Variants in KIR2DL4 observed in about 807,000 individuals in gnomAD.
KIR2DL4 encodes the protein killer cell immunoglobulin-like receptor 2DL4.
KIR2DL4 carries 41 observed loss-of-function variants against 31.0 expected under a neutral mutation model. That is an observed-to-expected ratio of 1.32 (90% CI 1.03 to 1.72). The LOEUF is 1.72. Ranked by LOEUF, KIR2DL4 falls within the 40% of genes most tolerant of loss-of-function variation. The probability of loss-of-function intolerance (pLI) is 0.00; values close to 1 mark genes in which losing one functional copy is unlikely to be tolerated. For synonymous variants in KIR2DL4, 164 were observed against 133.6 expected (o/e 1.23, Z -1.57); for missense variants, 438 against 353.7 (o/e 1.24, Z -1.91).
Position 54,813,652 on chromosome 19 carries a change from G to T in KIR2DL4, c.811-38G>T, listed in dbSNP as rs1173490351. 1.2e-5 allele frequency: 19 copies of T among 1,602,530 alleles called. No individual in the cohort carries two copies. In the East Asian group the frequency reaches 4.0e-4, roughly 34 times the overall value. On this transcript the variant is annotated intron_variant, in intron 6 of 7. Transcript: ENST00000359085. ...GTTCATGAAATGAGGACCCAGAAGT[G>T]CCCTCCCAGCTGTTTTGATTGCTTC...
chr19:54,814,220 A>G, exon 8 of KIR2DL4: 2 of 1,263,458 alleles, frequency 1.6e-6, no homozygotes, highest in Admixed American at 4.0e-5. Context: ...CAGAGAAAAC[A>G]CACTCCTTTG....
intron 5 of KIR2DL4, among the ~76,000 whole-genome samples, chr19:54,809,810 T>C (rs1401420170): frequency 2.0e-5 from 3 of 151,412 alleles, no homozygotes; most frequent in Non-Finnish European, 2.9e-5. Context: ...CCATCATAAT[T>C]TCCCTAAAAT....
chr19:54,813,520 A>G (rs565988654), intron 6 of KIR2DL4, among the ~76,000 whole-genome samples, 170 bp from the exon 6 acceptor site: 24 of 151,250 alleles, frequency 1.6e-4, no homozygotes, highest in African/African-American at 5.9e-4. Context: ...ACTGACAGCT[A>G]TTCATGGAAT....
chr19:54,805,833 TGA>T (rs3050844), intron 3 of KIR2DL4, 116 bp from the exon 4 acceptor site: 30,537 of 719,540 alleles, frequency 0.042, no homozygotes, highest in South Asian at 0.071. Flanking sequence ...GGGTGGAGGG[TGA>T]GAGAGAGAGA....
At chr19:54,808,858 A>T in exon 5 of KIR2DL4, 1 of 1,604,192 alleles carries the variant, frequency 6.2e-7, no homozygotes. Context: ...GTTGGCCTTC[A>T]CCCACTGAAC....
chr19:54,811,368 A>G (rs1402545532), intron 5 of KIR2DL4, among the ~76,000 whole-genome samples: 1 of 151,290 alleles, frequency 6.6e-6, no homozygotes, highest in Non-Finnish European at 1.5e-5. Context: ...ATTGCACTGC[A>G]CCCTAGGTGA....
intron 4 of KIR2DL4, among the ~76,000 whole-genome samples, chr19:54,806,616 A>C (rs1225846297): frequency 5.3e-5 from 8 of 151,178 alleles, no homozygotes; most frequent in African/African-American, 1.7e-4. Flanking sequence ...CAACCCCTAC[A>C]CTTTTTCTTT....
chr19:54,804,883 G>C (rs2060409300), exon 3 of KIR2DL4: 3 of 1,612,116 alleles, frequency 1.9e-6, no homozygotes, highest in Non-Finnish European at 2.5e-6. Flanking sequence ...TATCGTCGTG[G>C]GTTTAACATC....
At position 54,804,952 on chromosome 19, in the gene KIR2DL4, G is replaced by A; in HGVS notation, c.236G>A (p.Trp79Ter). ...CCTGAGCTCTACAACAGAATATTCT[G>A]GAACAGTTTCCTCATTAGCCCTGTG... The change falls in exon 3 of 8, where the codon TGG becomes TAG. Residue 79 changes from tryptophan to a stop codon, truncating the protein, a stop_gained. Coordinates refer to ENST00000359085, the Ensembl canonical transcript of KIR2DL4. LOFTEE classifies it high-confidence loss of function. The A allele has an allele frequency of 6.2e-7, 1 of 1,612,140 alleles. No homozygotes were observed. The highest frequency in any genetic ancestry group is 8.5e-7 in the Non-Finnish European group (1 of 1,179,678).
At position 54,803,922 on chromosome 19, in the gene KIR2DL4, C is replaced by A. The variant is rs373153736; in HGVS notation, c.72C>A (p.His24Gln). 6 of 1,609,306 alleles carry A rather than the reference C, an allele frequency of 3.7e-6. No individual in the cohort carries two copies. In the African/African-American group the frequency reaches 4.1e-5, roughly 11 times the overall value. ...TCTTGGACCAGAGTGTGTGGGCACA[C>A]GTGGGTGAGTCCTTCCCCAAATGAT... Residue 24 changes from histidine to glutamine, a missense_variant, in exon 2 of 8, where the codon CAC becomes CAA. His to Gln is a conservative substitution (Grantham distance 24). Transcript: ENST00000359085.
rs2060928450 is a variant in KIR2DL4, at chr19:54,812,605, A to G, written c.707-520A>G. Among the ~76,000 whole-genome samples, 2 of 150,132 alleles carry G rather than the reference A, an allele frequency of 1.3e-5. 1 individual carries two copies. The highest frequency in any genetic ancestry group is 1.3e-4 in the Admixed American group (2 of 15,062). On this transcript the variant is annotated intron_variant, in intron 5 of 7. Coordinates refer to ENST00000359085, the Ensembl canonical transcript of KIR2DL4. Reference sequence around the variant, plus strand: ...GCTGTACTAGAAGCAGGACACTACCATCTATTTCTGGCTGCGGCCTCAGGC... The same window carrying G: ...GCTGTACTAGAAGCAGGACACTACCGTCTATTTCTGGCTGCGGCCTCAGGC...
rs1458742020 is a variant in KIR2DL4, at chr19:54,805,520, A to G, written c.362-431A>G. The stretch of plus-strand genomic sequence containing the variant: ...AGCCACGAAGGGGCTGGAGAAATCA[A>G]TGGAACTGATTCTCCCGAGTCTCCA... On this transcript the variant is annotated intron_variant, in intron 3 of 7. Transcript: ENST00000359085. Among the ~76,000 whole-genome samples, 4 of 151,576 alleles carry G rather than the reference A, an allele frequency of 2.6e-5. 1 individual carries two copies. Among genetic ancestry groups the G allele is most frequent in the African/African-American group, 7.3e-5 (3 of 41,142 alleles).
chr19:54,809,270 G>C (rs2060713075), intron 5 of KIR2DL4, among the ~76,000 whole-genome samples: 1 of 150,494 alleles, frequency 6.6e-6, no homozygotes, highest in African/African-American at 2.5e-5. Flanking sequence ...CAAGGAATGA[G>C]CTCCTGTCTG....
At chr19:54,809,414 C>T (rs35579530) in intron 5 of KIR2DL4, among the ~76,000 whole-genome samples, 50,036 of 148,864 alleles carry the variant, frequency 0.34, 9,849 homozygotes, top group African/African-American at 0.51. Context: ...AGTGTGGAAC[C>T]TTTTCCTATG....
chr19:54,812,219 T>C (rs1342174041), intron 5 of KIR2DL4, among the ~76,000 whole-genome samples: 1 of 151,230 alleles, frequency 6.6e-6, no homozygotes, highest in African/African-American at 2.4e-5. Context: ...ATAGGCAGGT[T>C]CATTACTTAT....
intron 5 of KIR2DL4, among the ~76,000 whole-genome samples, chr19:54,811,436 A>T (rs1407882947): frequency 3.3e-5 from 5 of 151,308 alleles, no homozygotes. Flanking sequence ...ATAATATAAC[A>T]TACACGAATG....
rs1375015603 is a variant in KIR2DL4, at chr19:54,813,381, G to A, written c.810+153G>A. 4.2e-6 allele frequency: 5 copies of A among 1,179,476 alleles called. 1 individual carries two copies. The African/African-American group carries it at 5.0e-5, about 12-fold the overall frequency. 73.1% of individuals were successfully genotyped at this position (1,179,476 alleles called of 1,614,324 possible). The stretch of plus-strand genomic sequence containing the variant: ...TTCTAGAGAGAGCACCAGACACCCT[G>A]CCCCTGCCTTCAGCTCACAGACCGT... On this transcript the variant is annotated intron_variant, in intron 6 of 7. Transcript: ENST00000359085.
At chr19:54,810,714 C>G (rs617872) in intron 5 of KIR2DL4, among the ~76,000 whole-genome samples, 121,389 of 150,752 alleles carry the variant, frequency 0.81, 49,418 homozygotes, top group East Asian at 0.85. Flanking sequence ...AACTAAGGAG[C>G]AACAAGGAGC....
At chr19:54,806,038 G>T in exon 4 of KIR2DL4, 1 of 1,611,472 alleles carries the variant, frequency 6.2e-7, no homozygotes, top group South Asian at 1.1e-5. Context: ...AGCTCCCAGA[G>T]CTCCTTTGAC....
Sources: allele counts gnomAD v4.1 joint callset (sites outside exome capture counted in the v4.1 genomes callset), GRCh38; gene constraint gnomAD v4.1.1; transcripts MANE v1.5; gene names NCBI Gene and HGNC (gene_info 2026-07-23, HGNC 2026-07-21).